Variants in SCIN observed in about 807,000 individuals in gnomAD.
The protein encoded by SCIN is scinderin.
In SCIN, 91 loss-of-function variants were observed where a neutral mutation model predicts 91.8. That is an observed-to-expected ratio of 0.99 (90% CI 0.84 to 1.18). The LOEUF is 1.18. Ranked by LOEUF, SCIN falls within the 50% of genes most tolerant of loss-of-function variation. SCIN has a pLI of 0.00. For missense variants in SCIN, 1,087 were observed against 863.9 expected (o/e 1.26, Z -3.24); for synonymous variants, 367 against 312.6 (o/e 1.17, Z -1.84).
chr7:12,609,837 A>G (rs1462933326), intron 4 of SCIN, among the ~76,000 whole-genome samples: 5 of 151,192 alleles, frequency 3.3e-5, no homozygotes. Context: ...GGCTCTCTGG[A>G]AAGTCATACA....
At chr7:12,622,939 T>C in intron 5 of SCIN, 46 bp downstream of exon 5, 3 of 1,414,728 alleles carry the variant, frequency 2.1e-6, no homozygotes, top group Non-Finnish European at 2.0e-6. Flanking sequence ...GTACTGGATG[T>C]AGCTAGGGAG....
At chr7:12,590,381 C>G (rs911772787) in intron 3 of SCIN, among the ~76,000 whole-genome samples, 1 of 151,788 alleles carries the variant, frequency 6.6e-6, no homozygotes, top group Non-Finnish European at 1.5e-5. Flanking sequence ...AGTAACAGAG[C>G]ATATAGGACA....
intron 3 of SCIN, among the ~76,000 whole-genome samples, chr7:12,600,925 GCTAA>G (rs1782944300): frequency 6.6e-6 from 1 of 152,102 alleles, no homozygotes; most frequent in Non-Finnish European, 1.5e-5. Context: ...CTTTGTAACT[GCTAA>G]CTTTGTCATG....
rs1009241001 is a variant in SCIN, at chr7:12,622,787, T to C, written c.667-14T>C. The C allele has an allele frequency of 1.3e-6, 2 of 1,594,118 alleles. No homozygotes were observed. Among genetic ancestry groups the C allele is most frequent in the African/African-American group, 1.3e-5 (1 of 74,530 alleles). ...AGATCTTTATCTTTGCATCCACTGCTCACTTTTTTCCAGGTCTTAGGGGAA... is the reference window on the plus strand; with the variant it reads ...AGATCTTTATCTTTGCATCCACTGCCCACTTTTTTCCAGGTCTTAGGGGAA... On this transcript the variant is annotated splice_polypyrimidine_tract_variant and intron_variant, in intron 4 of 15. Coordinates refer to ENST00000297029, the MANE Select transcript of SCIN (RefSeq NM_001112706.3).
rs912073060 is a variant in SCIN at position 12,570,763 on chromosome 7, C to T, written c.-24C>T. ...CCAAGATCAGCGATATCACGCGTCC[C>T]CCGGAGCATCGCGTGCAGGAGCCAT... On this transcript the variant is annotated 5_prime_UTR_variant, in exon 1 of 16. Transcript: ENST00000297029. The T allele has an allele frequency of 1.3e-6, 2 of 1,547,082 alleles. No individual in the cohort carries two copies. Among genetic ancestry groups the T allele is most frequent in the East Asian group, 2.4e-5 (1 of 40,844 alleles).
At chr7:12,587,500 A>G (rs892994662) in intron 3 of SCIN, among the ~76,000 whole-genome samples, 1 of 152,236 alleles carries the variant, frequency 6.6e-6, no homozygotes, top group Non-Finnish European at 1.5e-5. Context: ...GGGAATATCC[A>G]TAGCCTCATT....
Position 12,640,401 on chromosome 7 carries a change from A to C in SCIN, c.1465A>C (p.Lys489Gln), listed in dbSNP as rs760236603. The C allele has an allele frequency of 6.2e-7, 1 of 1,613,488 alleles. No individual in the cohort carries two copies. The highest frequency in any genetic ancestry group is 8.5e-7 in the Non-Finnish European group (1 of 1,179,646). ...PVHLLSLFKD[K>Q]PLIIYKNGTS... The stretch of plus-strand genomic sequence containing the variant: ...TCACCTACTGAGTTTGTTCAAAGAC[A>C]AACCGCTCATTATTTACAAGAATGG... The change falls in exon 11 of 16, where the codon AAA becomes CAA. Residue 489 changes from lysine to glutamine, a missense_variant. Physicochemically the swap from Lys to Gln is moderately conservative, Grantham distance 53. Coordinates refer to ENST00000297029, the MANE Select transcript of SCIN (RefSeq NM_001112706.3).
At chr7:12,635,957 A>G (rs1783742356) in intron 9 of SCIN, 88 bp from the exon 10 acceptor site, 3 of 927,928 alleles carry the variant, frequency 3.2e-6, no homozygotes, top group Admixed American at 4.1e-5. Flanking sequence ...TTGATCTTTC[A>G]TAATAACTTG....
chr7:12,571,537 TA>T (rs772342889), intron 1 of SCIN: 3 of 446,256 alleles, frequency 6.7e-6, no homozygotes, highest in South Asian at 5.0e-5. Context: ...TGGGCTTCTT[TA>T]AAACAGGATT....
Position 12,644,608 on chromosome 7 carries a change from G to T in SCIN, c.1784G>T (p.Gly595Val). The change falls in exon 13 of 16, where the codon GGG (glycine) becomes GTG (valine). Residue 595 changes from glycine (G) to valine (V), a missense_variant. Coordinates refer to ENST00000297029, the MANE Select transcript of SCIN (RefSeq NM_001112706.3). ...GAGGAGTTCTGGAATTCCCTTGGAG[G>T]GAAAAAAGACTACCAGACCTCACCA... ...EPEEFWNSLGGKKDYQTSPLL... is the reference protein window; with the variant it reads ...EPEEFWNSLGVKKDYQTSPLL... 1 of 1,610,226 alleles carries T rather than the reference G, an allele frequency of 6.2e-7. No homozygotes were observed. Among genetic ancestry groups the T allele is most frequent in the Non-Finnish European group, 8.5e-7 (1 of 1,178,244 alleles).
At chr7:12,589,992 C>A (rs972272589) in intron 3 of SCIN, among the ~76,000 whole-genome samples, 2 of 130,954 alleles carry the variant, frequency 1.5e-5, no homozygotes, top group African/African-American at 5.2e-5. Flanking sequence ...CCTTAAGGAT[C>A]CCATTTGCCC....
chr7:12,645,110 G>A (rs1479121480), intron 13 of SCIN, among the ~76,000 whole-genome samples: 2 of 151,062 alleles, frequency 1.3e-5, no homozygotes, highest in African/African-American at 4.9e-5. Flanking sequence ...ACGAGATCAA[G>A]GAGTTCCAGA....
intron 11 of SCIN, 144 bp from the exon 12 acceptor site, chr7:12,643,994 G>A: frequency 1.5e-6 from 1 of 684,124 alleles, no homozygotes; most frequent in Non-Finnish European, 2.5e-6. Flanking sequence ...TACCATAGTG[G>A]TGTCCCAGAG....
rs1489070344 is a variant in SCIN, at chr7:12,622,828, G to A, written c.694G>A (p.Asp232Asn). The change falls in exon 5 of 16, where the codon GAT (aspartate) becomes AAT (asparagine). Residue 232 changes from aspartate to asparagine, a missense_variant. Coordinates refer to ENST00000297029, the MANE Select transcript of SCIN (RefSeq NM_001112706.3). ...KVLGEKPELP[D>N]GGDDDDIIAD... ...CTTAGGGGAAAAGCCAGAGCTTCCA[G>A]ATGGAGGTGATGATGATGACATTAT... 1 of 1,613,162 alleles carries A rather than the reference G, an allele frequency of 6.2e-7. No individual in the cohort carries two copies.
Position 12,640,427 on chromosome 7 carries a change from A to G in SCIN, c.1491A>G (p.Gly497=). The change falls in exon 11 of 16, where the codon GGA becomes GGG. Residue 497 remains glycine, a synonymous_variant. Coordinates refer to ENST00000297029, the MANE Select transcript of SCIN (RefSeq NM_001112706.3). ...KDKPLIIYKN[G]TSKKGGQAPA... Reference sequence around the variant, plus strand: ...AACCGCTCATTATTTACAAGAATGGAACATCAAAGAAAGGAGGTCAGGCAC... The same window carrying G: ...AACCGCTCATTATTTACAAGAATGGGACATCAAAGAAAGGAGGTCAGGCAC... 1 of 1,613,576 alleles carries G rather than the reference A, an allele frequency of 6.2e-7. No individual in the cohort carries two copies. Among genetic ancestry groups the G allele is most frequent in the African/African-American group, 1.3e-5 (1 of 74,968 alleles).
rs1784193448 is a variant in SCIN, at chr7:12,657,578, T to TACA, written c.*4863_*4864insACA. The TACA allele has an allele frequency of 2.0e-5, 1 of 50,712 alleles. No individual in the cohort carries two copies. Among genetic ancestry groups the TACA allele is most frequent in the African/African-American group, 1.0e-4 (1 of 9,838 alleles). The allele number at this position is 50,712 out of a possible 1,614,324, so 3.1% of individuals were successfully genotyped here. ...TATATATATATATATATATATTTTT[T>TACA]TTTTTTTTTTTTTTTTTTTTGCATT... On this transcript the variant is annotated 3_prime_UTR_variant, in exon 16 of 16. Coordinates refer to ENST00000297029, the MANE Select transcript of SCIN (RefSeq NM_001112706.3).
intron 15 of SCIN, among the ~76,000 whole-genome samples, chr7:12,652,355 AT>A (rs1784097210): frequency 6.6e-6 from 1 of 152,214 alleles, no homozygotes; most frequent in Admixed American, 6.5e-5. Context: ...GTTGCCTTTC[AT>A]GGCAGACGAG....
At chr7:12,626,092 T>A in intron 7 of SCIN, 1 of 449,888 alleles carries the variant, frequency 2.2e-6, no homozygotes. Context: ...AGCCTTTAAT[T>A]CAAGATAGTA....
chr7:12,589,239 T>G (rs1399912080), intron 3 of SCIN, among the ~76,000 whole-genome samples: 2 of 142,074 alleles, frequency 1.4e-5, no homozygotes, highest in Admixed American at 1.4e-4. Flanking sequence ...TTTTTTGAGA[T>G]GGAGTCTTGC....
Sources: allele counts gnomAD v4.1 joint callset (sites outside exome capture counted in the v4.1 genomes callset), GRCh38; gene constraint gnomAD v4.1.1; transcripts MANE v1.5; gene names NCBI Gene and HGNC (gene_info 2026-07-23, HGNC 2026-07-21).